APBB2: variants seen among roughly 807,000 people sequenced by gnomAD.
APBB2 encodes amyloid beta precursor protein binding family B member 2, also known as Fe65-like 1.
A neutral mutation model predicts 82.5 loss-of-function variants in APBB2; 38 were observed. The observed-to-expected ratio is 0.46, with a 90% CI of 0.36 to 0.60. APBB2 has a LOEUF of 0.60. Among genes scored for constraint, APBB2 ranks in the 20% least tolerant of loss-of-function variants. APBB2 has a pLI of 0.00. For missense variants in APBB2, 772 were observed against 972.3 expected (o/e 0.79, Z 2.74); for synonymous variants, 341 against 368.2 (o/e 0.93, Z 0.85).
intron 12 of APBB2, among the ~76,000 whole-genome samples, chr4:40,884,721 G>A (rs1486338769): frequency 6.6e-6 from 1 of 152,128 alleles, no homozygotes; most frequent in Non-Finnish European, 1.5e-5. Flanking sequence ...TGATGATCAC[G>A]CCACTGTACT....
At position 41,049,382 on chromosome 4, in the gene APBB2, C is replaced by A. The variant is rs568870449; in HGVS notation, c.-50-16078G>T. ...CCCGTCCGGGAGGTGGGGGGTCAGC[C>A]CCCGCCCAGCCAGCCCTCCCCTCCG... On this transcript the variant is annotated intron_variant, in intron 4 of 17. Coordinates refer to ENST00000508593, the MANE Select transcript of APBB2 (RefSeq NM_004307.2). Among the ~76,000 whole-genome samples, 259 of 148,828 alleles carry A rather than the reference C, an allele frequency of 1.7e-3. 6 individuals are homozygous for A. Among genetic ancestry groups the A allele is most frequent in the Middle Eastern group, 0.014 (4 of 276 alleles).
intron 6 of APBB2, among the ~76,000 whole-genome samples, chr4:40,972,094 T>C (rs1202624668): frequency 1.3e-5 from 2 of 152,206 alleles, no homozygotes; most frequent in Non-Finnish European, 2.9e-5. Context: ...CTATTTTTAC[T>C]GCTCAATTTT....
In APBB2 at chr4:40,826,906, T is replaced by C; in HGVS notation, c.1732+226A>G. The C allele has an allele frequency of 2.2e-6, 1 of 462,228 alleles. No individual in the cohort carries two copies. Among genetic ancestry groups the C allele is most frequent in the Admixed American group, 3.9e-5 (1 of 25,578 alleles). 28.6% of individuals were successfully genotyped at this position (462,228 alleles called of 1,614,324 possible). ...AAAAACTAAAGACAATATTCTTTAA[T>C]CTTGTCCAATAACAACAAAACTCAT... is the stretch of plus-strand genomic sequence containing the variant. On this transcript the variant is annotated intron_variant, in intron 14 of 17. Coordinates refer to ENST00000508593, the MANE Select transcript of APBB2 (RefSeq NM_004307.2). This position sits in a 1 kb window ranked among gnomAD's most constrained non-coding sequence, Gnocchi z 4.5.
At chr4:41,033,390 A>G (rs1579412283) in intron 4 of APBB2, 86 bp from the exon 5 acceptor site, 1 of 950,402 alleles carries the variant, frequency 1.1e-6, no homozygotes, top group East Asian at 2.9e-5. Context: ...AAATCTCTCC[A>G]AAAGCTGTTA....
At chr4:40,923,604 C>G (rs1321328492) in intron 10 of APBB2, among the ~76,000 whole-genome samples, 1 of 152,248 alleles carries the variant, frequency 6.6e-6, no homozygotes, top group Admixed American at 6.5e-5. Flanking sequence ...CTGGTGCCAT[C>G]AGGATGGCGG....
chr4:41,097,664 T>TAA (rs1010919754), intron 3 of APBB2, among the ~76,000 whole-genome samples: 1 of 152,226 alleles, frequency 6.6e-6, no homozygotes. Context: ...TTACTTCCTT[T>TAA]AAAACAATCC....
chr4:40,818,726 C>G (rs2154293965), intron 17 of APBB2, among the ~76,000 whole-genome samples: 1 of 152,280 alleles, frequency 6.6e-6, no homozygotes. Context: ...AGGGAGTTAG[C>G]CACTCTCACA....
At chr4:41,013,400 G>A (rs62412115) in intron 6 of APBB2, among the ~76,000 whole-genome samples, 183 bp downstream of exon 6, 7,003 of 152,214 alleles carry the variant, frequency 0.046, 343 homozygotes, top group African/African-American at 0.13. Context: ...AAATGAAACT[G>A]ACCTAAAATA....
chr4:41,060,842 C>G (rs1328771371), intron 4 of APBB2, among the ~76,000 whole-genome samples: 1 of 152,172 alleles, frequency 6.6e-6, no homozygotes, highest in East Asian at 1.9e-4. Context: ...CCCAAAGGCA[C>G]AGGGTGTACC....
Position 41,150,978 on chromosome 4 carries a change from T to A in APBB2, c.-416-7836A>T, listed in dbSNP as rs142747745. 2.6e-5 allele frequency among the ~76,000 whole-genome samples: 4 copies of A among 152,292 alleles called. No homozygotes were observed. The East Asian group carries it at 5.8e-4, about 22-fold the overall frequency. Reference sequence around the variant, plus strand: ...GTCTTGAACTCCTGACCTCAGGTGATCTGCCCACCTTGGCCTCTCAAAGCG... The same window carrying A: ...GTCTTGAACTCCTGACCTCAGGTGAACTGCCCACCTTGGCCTCTCAAAGCG... On this transcript the variant is annotated intron_variant, in intron 1 of 17. Transcript: ENST00000508593.
At chr4:40,904,538 C>T (rs1009232014) in intron 10 of APBB2, among the ~76,000 whole-genome samples, 1 of 151,960 alleles carries the variant, frequency 6.6e-6, no homozygotes, top group African/African-American at 2.4e-5. Flanking sequence ...AAAAAACAGG[C>T]AAGCTTTTCA....
At chr4:40,857,760 G>A (rs535971335) in intron 12 of APBB2, among the ~76,000 whole-genome samples, 20 of 142,334 alleles carry the variant, frequency 1.4e-4, no homozygotes, top group South Asian at 5.2e-4. Context: ...GTGAGCCACC[G>A]CACCAGGCTG....
chr4:40,842,482 A>T, intron 12 of APBB2: 1 of 388,074 alleles, frequency 2.6e-6, no homozygotes, highest in Non-Finnish European at 5.4e-6. Flanking sequence ...GAGCACTGAC[A>T]GCTCATCTAA....
chr4:41,052,408 A>G (rs954638372), intron 4 of APBB2, among the ~76,000 whole-genome samples: 3 of 152,108 alleles, frequency 2.0e-5, no homozygotes, highest in African/African-American at 7.2e-5. Flanking sequence ...CTCTATACTG[A>G]AGTTACTGAA....
chr4:40,952,255 T>C (rs6857327), intron 6 of APBB2, among the ~76,000 whole-genome samples: 32,714 of 150,824 alleles, frequency 0.22, 3,832 homozygotes, highest in African/African-American at 0.28. Flanking sequence ...GAAGGTCAGT[T>C]AGGCTCCCTC....
At chr4:40,964,623 G>A (rs1698474692) in intron 6 of APBB2, among the ~76,000 whole-genome samples, 1 of 152,058 alleles carries the variant, frequency 6.6e-6, no homozygotes, top group African/African-American at 2.4e-5. Flanking sequence ...TCTACCAGGG[G>A]AAAGGTAAAA....
At chr4:41,010,383 TA>T (rs144496519) in intron 6 of APBB2, among the ~76,000 whole-genome samples, 7,018 of 151,986 alleles carry the variant, frequency 0.046, 344 homozygotes, top group African/African-American at 0.13. Context: ...TCTTAACATG[TA>T]AAAAAAACTC....
chr4:40,841,625 C>A (rs545085827), intron 12 of APBB2, among the ~76,000 whole-genome samples: 3 of 151,902 alleles, frequency 2.0e-5, no homozygotes, highest in Non-Finnish European at 4.4e-5. Context: ...TAGTGCCAAC[C>A]CTTACCAATC....
At chr4:41,092,188 TG>T (rs1379977715) in intron 3 of APBB2, among the ~76,000 whole-genome samples, 1 of 152,228 alleles carries the variant, frequency 6.6e-6, no homozygotes, top group Non-Finnish European at 1.5e-5. Flanking sequence ...GTTTAACATC[TG>T]CTTTTAAATG....
Sources: allele counts gnomAD v4.1 joint callset (sites outside exome capture counted in the v4.1 genomes callset), GRCh38; gene constraint gnomAD v4.1.1; non-coding constraint Gnocchi (gnomAD v3.1); transcripts MANE v1.5; gene names NCBI Gene and HGNC (gene_info 2026-07-23, HGNC 2026-07-21).